TENM4: variants seen among roughly 807,000 people sequenced by gnomAD.
TENM4 encodes teneurin-4.
Under a neutral mutation model 243.3 loss-of-function variants are expected in TENM4, and 82 were observed. The ratio of observed to expected loss-of-function variants is 0.34; its 90% CI spans 0.28 to 0.40. TENM4 has a LOEUF of 0.40. Among genes scored for constraint, TENM4 ranks in the 10% least tolerant of loss-of-function variants. The pLI, the probability that TENM4 is intolerant of heterozygous loss-of-function variation, is 1.00. For missense variants in TENM4, 3,138 were observed against 3,673.3 expected, an observed-to-expected ratio of 0.85 and a Z score of 3.77; for synonymous variants, 1,412 against 1,456.3, an observed-to-expected ratio of 0.97 and a Z score of 0.69.
intron 12 of TENM4, among the ~76,000 whole-genome samples, chr11:78,847,883 A>T (rs1255123862): frequency 6.6e-6 from 1 of 152,214 alleles, no homozygotes; most frequent in African/African-American, 2.4e-5. Flanking sequence ...ATAATGTCAG[A>T]GATTTTTCTC....
intron 12 of TENM4, among the ~76,000 whole-genome samples, chr11:78,841,340 A>T (rs1178204470): frequency 1.3e-5 from 2 of 152,180 alleles, no homozygotes; most frequent in African/African-American, 2.4e-5. Context: ...TATATTGCAC[A>T]CTATTTTATT....
chr11:78,981,970 T>G (rs1372758000), intron 6 of TENM4, among the ~76,000 whole-genome samples: 1 of 152,290 alleles, frequency 6.6e-6, no homozygotes, highest in South Asian at 2.1e-4. Context: ...GCCCCGTGTC[T>G]GTCCCCAGGT....
At chr11:78,776,153 C>G (rs554265811) in intron 17 of TENM4, among the ~76,000 whole-genome samples, 150 of 152,140 alleles carry the variant, frequency 9.9e-4, no homozygotes, top group Non-Finnish European at 2.0e-3. Context: ...TCTCAATGGT[C>G]CCCCCTCAAT....
intron 1 of TENM4, among the ~76,000 whole-genome samples, chr11:79,396,936 G>C (rs140197355): frequency 2.1e-3 from 318 of 152,324 alleles, no homozygotes; most frequent in African/African-American, 7.4e-3. Context: ...CTGGGCTGCT[G>C]TCATTGATAC....
At chr11:79,038,499 C>T (rs1859441373) in intron 6 of TENM4, among the ~76,000 whole-genome samples, 1 of 152,228 alleles carries the variant, frequency 6.6e-6, no homozygotes. Flanking sequence ...CCACATCTTG[C>T]CTGCCCCTCT....
chr11:79,176,286 C>T (rs1863157625), intron 3 of TENM4, among the ~76,000 whole-genome samples: 1 of 152,144 alleles, frequency 6.6e-6, no homozygotes, highest in Admixed American at 6.5e-5. Flanking sequence ...GCTGATCCAA[C>T]AGGGTCCTTG....
intron 2 of TENM4, among the ~76,000 whole-genome samples, chr11:79,264,836 C>T (rs1005367816): frequency 6.6e-6 from 1 of 152,170 alleles, no homozygotes; most frequent in African/African-American, 2.4e-5. Flanking sequence ...TAAGCAGGGG[C>T]TGCAAACCAC....
At chr11:79,197,516 C>T (rs779586486) in intron 3 of TENM4, among the ~76,000 whole-genome samples, 4 of 152,140 alleles carry the variant, frequency 2.6e-5, no homozygotes, top group Non-Finnish European at 5.9e-5. Flanking sequence ...ATCTGACCCC[C>T]AAGTTCACAA....
rs934870936 is a variant in TENM4 at position 79,119,903 on chromosome 11, C to T, written c.-66+28807G>A. Among the ~76,000 whole-genome samples the T allele has an allele frequency of 2.6e-5, 4 of 152,148 alleles. No individual in the cohort carries two copies. In the East Asian group the frequency reaches 7.7e-4, roughly 29 times the overall value. On this transcript the variant is annotated intron_variant, in intron 4 of 33. Coordinates refer to ENST00000278550, the MANE Select transcript of TENM4 (RefSeq NM_001098816.3). ...ATAGCTCGATAACCAGCTCAGGTAA[C>T]CAGGCTGTCTATATCCCAGAATAGA...
At position 79,215,802 on chromosome 11, in the gene TENM4, A is replaced by T. The variant is rs1431693537; in HGVS notation, c.-163+6T>A. 8 of 985,684 alleles carry T rather than the reference A, an allele frequency of 8.1e-6. No homozygotes were observed. Among genetic ancestry groups the T allele is most frequent in the Non-Finnish European group, 8.4e-6 (7 of 829,960 alleles). 61.1% of individuals were successfully genotyped at this position (985,684 alleles called of 1,614,324 possible). Reference sequence around the variant, plus strand: ...ACAGAAAATCAGAGCAGACAAGGGGACTGACCTGGCTCCATGTCAGCACGT... The same window carrying T: ...ACAGAAAATCAGAGCAGACAAGGGGTCTGACCTGGCTCCATGTCAGCACGT... On this transcript the variant is annotated splice_donor_region_variant and intron_variant, in intron 3 of 33. Transcript: ENST00000278550.
At chr11:79,131,477 A>G (rs7107888) in intron 4 of TENM4, among the ~76,000 whole-genome samples, 140,627 of 152,248 alleles carry the variant, frequency 0.92, 65,581 homozygotes, top group Middle Eastern at 1. Context: ...ACAAACAAAT[A>G]CTAAGAGAAT....
At chr11:79,328,709 G>C (rs1355792556) in intron 1 of TENM4, among the ~76,000 whole-genome samples, 1 of 152,170 alleles carries the variant, frequency 6.6e-6, no homozygotes, top group Non-Finnish European at 1.5e-5. Context: ...GCCCGCTTCT[G>C]TTCTGAGTTG....
chr11:78,892,966 G>A (rs994469495), intron 7 of TENM4, among the ~76,000 whole-genome samples: 2 of 152,368 alleles, frequency 1.3e-5, no homozygotes, highest in East Asian at 1.9e-4. Flanking sequence ...ACGAGGAGGG[G>A]CTGTAAGTAC....
Position 78,903,361 on chromosome 11 carries a change from G to A in TENM4, c.656C>T (p.Ser219Leu), listed in dbSNP as rs775103927. 3 of 1,498,302 alleles carry A rather than the reference G, an allele frequency of 2.0e-6. No homozygotes were observed. The highest frequency in any genetic ancestry group is 2.6e-5 in the East Asian group (1 of 38,412). 92.8% of individuals were successfully genotyped at this position (1,498,302 alleles called of 1,614,324 possible). A position where few individuals can be genotyped will look rare whatever the true frequency, so the allele number is the denominator to read the frequency against. ...GCCGGCAGGGGGCTCTCCGGAGAGCGAGTGGTCCGTGGGGGCCGGGCTGGG... is the reference window on the plus strand; with the variant it reads ...GCCGGCAGGGGGCTCTCCGGAGAGCAAGTGGTCCGTGGGGGCCGGGCTGGG... Reference protein sequence around the residue: ...SNPSPAPTDHSLSGEPPAGGA... With the variant: ...SNPSPAPTDHLLSGEPPAGGA... Residue 219 changes from serine to leucine, a missense_variant, in exon 7 of 34, where the codon TCG (serine) becomes TTG (leucine). Physicochemically the swap from Ser to Leu is moderately radical, Grantham distance 145. Transcript: ENST00000278550.
chr11:78,661,442 G>T lies in TENM4; in HGVS notation c.7551+7C>A, dbSNP rs1466302869. 1 of 1,605,618 alleles carries T rather than the reference G, an allele frequency of 6.2e-7. No individual in the cohort carries two copies. The highest frequency in any genetic ancestry group is 8.5e-7 in the Non-Finnish European group (1 of 1,176,434). On this transcript the variant is annotated splice_region_variant and intron_variant, in intron 33 of 33. Transcript: ENST00000278550. The stretch of plus-strand genomic sequence containing the variant: ...CCTGAGGAGTGGCAGCCTTGTGCAG[G>T]AATTACCTTGCTGTTGTCCCACTCC...
At chr11:79,071,239 T>C (rs756130127) in intron 4 of TENM4, among the ~76,000 whole-genome samples, 1 of 152,132 alleles carries the variant, frequency 6.6e-6, no homozygotes, top group Non-Finnish European at 1.5e-5. Flanking sequence ...CATCACTTAG[T>C]TTTTATGAAA....
At chr11:78,727,925 G>A (rs947916867) in intron 22 of TENM4, among the ~76,000 whole-genome samples, 8 of 152,286 alleles carry the variant, frequency 5.3e-5, no homozygotes, top group Admixed American at 2.0e-4. Flanking sequence ...AAAGACTGCC[G>A]ACCATTTATG....
At chr11:78,778,761 G>T in intron 16 of TENM4, 133 bp from the exon 17 acceptor site, 1 of 727,936 alleles carries the variant, frequency 1.4e-6, no homozygotes, top group East Asian at 2.8e-5. Context: ...TGCCATGGTG[G>T]GGAAAATAAA....
intron 15 of TENM4, among the ~76,000 whole-genome samples, chr11:78,795,789 G>A (rs541707104): frequency 6.6e-6 from 1 of 152,262 alleles, no homozygotes; most frequent in African/African-American, 2.4e-5. Flanking sequence ...CTGTCTCCCT[G>A]CCTCCCTCAC....
Sources: gnomAD v4.1 joint callset for allele counts (sites outside exome capture counted in the v4.1 genomes callset) on GRCh38, gnomAD v4.1.1 for gene constraint, MANE v1.5 for transcripts, NCBI Gene and HGNC (gene_info 2026-07-23, HGNC 2026-07-21) for gene names.